POLB: variants seen among roughly 807,000 people sequenced by gnomAD.
POLB encodes 5'-dRP lyase.
In POLB, 37 loss-of-function variants were observed where a neutral mutation model predicts 52.7. That is an observed-to-expected ratio of 0.70 (90% CI 0.54 to 0.92). POLB has a LOEUF of 0.92. Ranked by LOEUF, POLB falls within the 40% of genes least tolerant of loss-of-function variation. The pLI, the probability that POLB is intolerant of heterozygous loss-of-function variation, is 0.00. For missense variants in POLB, 313 were observed against 400.8 expected, an observed-to-expected ratio of 0.78 and a Z score of 1.87; for synonymous variants, 138 against 131.3, an observed-to-expected ratio of 1.05 and a Z score of -0.35.
Position 42,357,064 on chromosome 8 carries a change from A to G in POLB, c.423-105A>G, listed in dbSNP as rs1402583447. ...TTCATTCTAGCCTTGATTTGTGAGA[A>G]TGATCTGCTGGTATGGCACGGACAA... is the stretch of plus-strand genomic sequence containing the variant. On this transcript the variant is annotated intron_variant, in intron 7 of 13. Coordinates refer to ENST00000265421, the MANE Select transcript of POLB (RefSeq NM_002690.3). 3 of 655,762 alleles carry G rather than the reference A, an allele frequency of 4.6e-6. No individual in the cohort carries two copies. The East Asian group carries it at 7.9e-5, about 17-fold the overall frequency. 40.6% of individuals were successfully genotyped at this position (655,762 alleles called of 1,614,324 possible).
intron 4 of POLB, 119 bp from the exon 5 acceptor site, chr8:42,349,888 C>A: frequency 1.4e-6 from 1 of 697,486 alleles, no homozygotes; most frequent in Non-Finnish European, 2.5e-6. Context: ...TTGTGTGGGT[C>A]ACCCAGGCAA....
rs1585898365 is a variant in POLB, at chr8:42,357,368, A to G, written c.526A>G (p.Thr176Ala). The G allele has an allele frequency of 1.3e-6, 2 of 1,580,192 alleles. No homozygotes were observed. Among genetic ancestry groups the G allele is most frequent in the Middle Eastern group, 1.7e-4 (1 of 5,884 alleles). Reference protein sequence around the residue: ...VKKVDSEYIATVCGSFRRGAE... With the variant: ...VKKVDSEYIAAVCGSFRRGAE... Reference sequence around the variant, plus strand: ...AAAAGTGGATTCTGAATACATTGCTACAGTCTGTGGCAGTTTCAGAAGAGG... The same window carrying G: ...AAAAGTGGATTCTGAATACATTGCTGCAGTCTGTGGCAGTTTCAGAAGAGG... Residue 176 changes from threonine (T) to alanine (A), a missense_variant, in exon 9 of 14, where the codon ACA becomes GCA. Thr to Ala is a moderately conservative substitution (Grantham distance 58, BLOSUM62 0). Coordinates refer to ENST00000265421, the MANE Select transcript of POLB (RefSeq NM_002690.3).
Position 42,361,385 on chromosome 8 carries a change from C to G in POLB, c.621+20C>G, listed in dbSNP as rs1823672806. The G allele has an allele frequency of 6.9e-7, 1 of 1,458,214 alleles. No individual in the cohort carries two copies. Among genetic ancestry groups the G allele is most frequent in the South Asian group, 1.1e-5 (1 of 87,986 alleles). 90.3% of individuals were successfully genotyped at this position (1,458,214 alleles called of 1,614,324 possible). Reference sequence around the variant, plus strand: ...AAACAGGTGCCTCAGAGTTTATAATCAATGGTGATCAGTCTTACACAACAG... The same window carrying G: ...AAACAGGTGCCTCAGAGTTTATAATGAATGGTGATCAGTCTTACACAACAG... On this transcript the variant is annotated intron_variant, in intron 10 of 13. Transcript: ENST00000265421.
chr8:42,353,178 T>C (rs553265742), intron 6 of POLB, among the ~76,000 whole-genome samples: 7 of 150,324 alleles, frequency 4.7e-5, no homozygotes, highest in Admixed American at 6.6e-5. Context: ...TTATTTCTTT[T>C]TTTTTTTTTT....
chr8:42,365,506 A>G (rs1044060822), intron 11 of POLB, among the ~76,000 whole-genome samples: 5 of 152,214 alleles, frequency 3.3e-5, no homozygotes, highest in Non-Finnish European at 5.9e-5. Flanking sequence ...AAAATCCTAA[A>G]AACAGTATCT....
intron 1 of POLB, 29 bp downstream of exon 1, chr8:42,338,714 T>C: frequency 6.2e-7 from 1 of 1,605,488 alleles, no homozygotes. Context: ...CCCGCTGGCT[T>C]TCTTCTTTCC....
intron 9 of POLB, chr8:42,358,002 G>A (rs1823432707): frequency 6.6e-6 from 1 of 152,130 alleles, no homozygotes; most frequent in Non-Finnish European, 1.5e-5. Context: ...TGGGATTACA[G>A]GCGTGAGCCA....
intron 3 of POLB, among the ~76,000 whole-genome samples, chr8:42,348,541 T>G (rs1040273297): frequency 1.3e-5 from 2 of 152,232 alleles, no homozygotes; most frequent in Non-Finnish European, 2.9e-5. Context: ...TTCTTGGCCC[T>G]ACTCCAGACA....
Position 42,361,196 on chromosome 8 carries a change from G to A in POLB, c.551-99G>A, listed in dbSNP as rs1052690685. ...GCACAGTGAAATAGAAAGTTAGGCT[G>A]TAAGAAGTAAGGCTCTTCTGTGTGT... On this transcript the variant is annotated intron_variant, in intron 9 of 13. Coordinates refer to ENST00000265421, the MANE Select transcript of POLB (RefSeq NM_002690.3). The A allele has an allele frequency of 3.8e-5, 31 of 812,328 alleles. No homozygotes were observed. The African/African-American group carries it at 4.2e-4, about 11-fold the overall frequency. The allele number at this position is 812,328 out of a possible 1,614,324, so 50.3% of individuals were successfully genotyped here.
At chr8:42,363,105 AAG>A (rs1383200993) in intron 11 of POLB, among the ~76,000 whole-genome samples, 1 of 151,962 alleles carries the variant, frequency 6.6e-6, no homozygotes, top group Non-Finnish European at 1.5e-5. Flanking sequence ...CCTGGGCCAC[AAG>A]AGAGAAACTC....
intron 3 of POLB, among the ~76,000 whole-genome samples, chr8:42,346,879 G>T (rs1428368184): frequency 6.6e-6 from 1 of 152,116 alleles, no homozygotes; most frequent in Non-Finnish European, 1.5e-5. Context: ...ACAGTTCTCA[G>T]CATCAGTATA....
At chr8:42,369,420 C>T (rs1050033668) in intron 12 of POLB, 85 bp downstream of exon 12, 5 of 782,840 alleles carry the variant, frequency 6.4e-6, no homozygotes, top group Admixed American at 6.4e-5. Flanking sequence ...TTGGAGTTCA[C>T]ATTCATATCT....
At position 42,355,632 on chromosome 8, in the gene POLB, T is replaced by C. The variant is rs2307162; in HGVS notation, c.422+65T>C. On this transcript the variant is annotated intron_variant, in intron 7 of 13. Transcript: ENST00000265421. ...AGTAAATTTTTTATAGACATTCTTT[T>C]ATACACCAGAAGGACTCTTCAAACT... 2.3e-3 allele frequency: 2,183 copies of C among 947,640 alleles called. 59 individuals are homozygous for C. The South Asian group carries it at 0.027, about 12-fold the overall frequency. 58.7% of individuals were successfully genotyped at this position (947,640 alleles called of 1,614,324 possible).
chr8:42,355,715 GAGTAT>G, intron 7 of POLB, 148 bp downstream of exon 7: 1 of 587,436 alleles, frequency 1.7e-6, no homozygotes, highest in Non-Finnish European at 3.1e-6. Context: ...GACTCTTACA[GAGTAT>G]CTGCCTGTGT....
intron 6 of POLB, among the ~76,000 whole-genome samples, chr8:42,353,570 G>A (rs936807917): frequency 2.0e-5 from 3 of 152,040 alleles, no homozygotes; most frequent in Non-Finnish European, 2.9e-5. Flanking sequence ...ATTATAAAAC[G>A]TTTTCCTTAA....
intron 9 of POLB, among the ~76,000 whole-genome samples, chr8:42,360,289 G>A (rs1823595591): frequency 6.6e-6 from 1 of 151,952 alleles, no homozygotes; most frequent in Non-Finnish European, 1.5e-5. Context: ...TTTGGTTAAG[G>A]CACTGTGGCT....
At chr8:42,370,772 C>T (rs927292746) in intron 13 of POLB, among the ~76,000 whole-genome samples, 7 of 152,180 alleles carry the variant, frequency 4.6e-5, no homozygotes, top group African/African-American at 1.4e-4. Flanking sequence ...TACACTAACA[C>T]TCACGATAGC....
chr8:42,367,486 T>TA (rs1173749577), intron 11 of POLB, among the ~76,000 whole-genome samples: 1 of 152,184 alleles, frequency 6.6e-6, no homozygotes, highest in Non-Finnish European at 1.5e-5. Flanking sequence ...ATGAGCAAGA[T>TA]ATCTAATGAA....
chr8:42,349,867 T>G (rs1303149292), intron 4 of POLB, 140 bp from the exon 5 acceptor site: 1 of 645,680 alleles, frequency 1.5e-6, no homozygotes, highest in African/African-American at 1.8e-5. Context: ...TTAGGTTACT[T>G]GTGAATAATT....
Sources: gnomAD v4.1 joint callset for allele counts (sites outside exome capture counted in the v4.1 genomes callset) on GRCh38, gnomAD v4.1.1 for gene constraint, MANE v1.5 for transcripts, NCBI Gene and HGNC (gene_info 2026-07-23, HGNC 2026-07-21) for gene names.